Variants in JPH3 observed in about 807,000 individuals in gnomAD.
JPH3 encodes junctophilin-3.
Under a neutral mutation model 59.6 loss-of-function variants are expected in JPH3, and 11 were observed. The ratio of observed to expected loss-of-function variants is 0.18; its 90% CI spans 0.12 to 0.31. The LOEUF (loss-of-function observed/expected upper bound fraction) is 0.31. Among genes scored for constraint, JPH3 ranks in the 10% least tolerant of loss-of-function variants. The pLI, the probability that JPH3 is intolerant of heterozygous loss-of-function variation, is 1.00. For missense variants in JPH3, 1,202 were observed against 1,105.7 expected (o/e 1.09, Z -1.24); for synonymous variants, 673 against 483.6 (o/e 1.39, Z -5.14).
chr16:87,662,115 C>G (rs538882928), intron 2 of JPH3, among the ~76,000 whole-genome samples: 337 of 152,336 alleles, frequency 2.2e-3, no homozygotes, highest in Admixed American at 7.3e-3. Flanking sequence ...ACGGTCATCC[C>G]TCAAGAGGGA....
At chr16:87,685,531 G>T (rs2033396319) in intron 3 of JPH3, among the ~76,000 whole-genome samples, 2 of 152,362 alleles carry the variant, frequency 1.3e-5, no homozygotes. Flanking sequence ...GCGCACACTT[G>T]GGGGCACACG....
chr16:87,616,478 C>T (rs900429254), intron 1 of JPH3, among the ~76,000 whole-genome samples: 2 of 151,626 alleles, frequency 1.3e-5, no homozygotes, highest in Admixed American at 1.3e-4. Context: ...TCTTGATCTC[C>T]TGACCTCGTG....
rs1345883186 is a variant in JPH3, at chr16:87,690,362, G to C, written c.2002G>C (p.Ala668Pro). ...KAQNKENFRP[A>P]SSAEPAVQKL... ...CCAGAACAAGGAGAACTTCAGGCCG[G>C]CCTCCTCCGCGGAGCCCGCCGTGCA... The change falls in exon 4 of 5, where the codon GCC (alanine) becomes CCC (proline). Residue 668 changes from alanine to proline, a missense_variant. Physicochemically the swap from Ala to Pro is conservative, Grantham distance 27. Transcript: ENST00000284262. 2.6e-6 allele frequency: 4 copies of C among 1,551,964 alleles called. 1 individual carries two copies. The highest frequency in any genetic ancestry group is 3.5e-6 in the Non-Finnish European group (4 of 1,151,800).
chr16:87,627,457 G>C (rs72810122), intron 1 of JPH3, among the ~76,000 whole-genome samples: 11,318 of 152,232 alleles, frequency 0.074, 546 homozygotes, highest in Non-Finnish European at 0.11. Flanking sequence ...AGACACACAG[G>C]GTGGGCCTCG....
intron 2 of JPH3, among the ~76,000 whole-genome samples, chr16:87,680,248 C>G (rs2033253234): frequency 6.6e-6 from 1 of 152,234 alleles, no homozygotes. Context: ...TCCAGTGATC[C>G]CTGAGCCACC....
intron 2 of JPH3, among the ~76,000 whole-genome samples, chr16:87,666,373 G>C (rs2032860641): frequency 6.7e-6 from 1 of 148,846 alleles, no homozygotes; most frequent in East Asian, 2.0e-4. Flanking sequence ...ACAGGCATGA[G>C]CCACCGCGCC....
chr16:87,606,150 A>G (rs1861663532), intron 1 of JPH3, among the ~76,000 whole-genome samples: 1 of 152,182 alleles, frequency 6.6e-6, no homozygotes, highest in Non-Finnish European at 1.5e-5. Flanking sequence ...CCTCCTTCCC[A>G]GTCAACTGGT....
At chr16:87,661,282 C>G (rs1031935874) in intron 2 of JPH3, among the ~76,000 whole-genome samples, 3 of 152,246 alleles carry the variant, frequency 2.0e-5, no homozygotes, top group South Asian at 4.1e-4. Flanking sequence ...GGTCATCTCT[C>G]TCTTTCCTGA....
intron 1 of JPH3, among the ~76,000 whole-genome samples, chr16:87,618,650 C>T (rs950217691): frequency 3.3e-5 from 5 of 152,202 alleles, no homozygotes; most frequent in South Asian, 2.1e-4. Flanking sequence ...CGTCCTCATC[C>T]GCACCTGTCA....
intron 2 of JPH3, among the ~76,000 whole-genome samples, chr16:87,677,321 T>G (rs1352990002): frequency 6.7e-6 from 1 of 149,490 alleles, no homozygotes; most frequent in Non-Finnish European, 1.5e-5. Flanking sequence ...AGGCAGAGTT[T>G]GCAGTGAGCC....
intron 1 of JPH3, among the ~76,000 whole-genome samples, chr16:87,626,712 A>G (rs1472326017): frequency 6.6e-6 from 1 of 152,208 alleles, no homozygotes; most frequent in Non-Finnish European, 1.5e-5. Context: ...GAAGGTTGGG[A>G]TGGTTGGAGA....
chr16:87,620,033 C>G (rs1186728115), intron 1 of JPH3, among the ~76,000 whole-genome samples: 4 of 152,104 alleles, frequency 2.6e-5, no homozygotes, highest in Admixed American at 1.3e-4. Flanking sequence ...TTGGGTGTGC[C>G]AGAGCCAGTC....
chr16:87,607,936 GAGAA>G (rs2030586733), intron 1 of JPH3, among the ~76,000 whole-genome samples: 1 of 152,262 alleles, frequency 6.6e-6, no homozygotes, highest in Non-Finnish European at 1.5e-5. Context: ...AAGGTGAAAA[GAGAA>G]AGGAAGAAGC....
chr16:87,629,614 A>G (rs1472662040), intron 1 of JPH3, among the ~76,000 whole-genome samples: 1 of 151,772 alleles, frequency 6.6e-6, no homozygotes, highest in Non-Finnish European at 1.5e-5. Flanking sequence ...GTGGGGTTCC[A>G]ACTAGATGGC....
In JPH3 at chr16:87,689,647, G is replaced by A; in HGVS notation, c.1287G>A (p.Gly429=). The A allele has an allele frequency of 6.2e-7, 1 of 1,611,480 alleles. No individual in the cohort carries two copies. Among genetic ancestry groups the A allele is most frequent in the Non-Finnish European group, 8.5e-7 (1 of 1,179,330 alleles). ...GCGTCGTCTTGTGTCCCCATACAGG[G>A]CTGGAGTACCAGAGGCCGAAGCGTC... ...FSPSFQHREN[G]LEYQRPKRQT... is the part of the protein sequence containing the mutation. The change falls in exon 4 of 5, where the codon GGG becomes GGA. Residue 429 remains glycine, a splice_region_variant and synonymous_variant. Coordinates refer to ENST00000284262, the MANE Select transcript of JPH3 (RefSeq NM_020655.4).
intron 2 of JPH3, among the ~76,000 whole-genome samples, chr16:87,680,631 C>G (rs2033265955): frequency 6.6e-6 from 1 of 151,984 alleles, no homozygotes; most frequent in Admixed American, 6.5e-5. Flanking sequence ...CTCAGATGCC[C>G]TCCCTGCCTG....
intron 2 of JPH3, among the ~76,000 whole-genome samples, chr16:87,649,530 C>T (rs930531072): frequency 5.3e-5 from 8 of 152,292 alleles, no homozygotes; most frequent in South Asian, 4.1e-4. Context: ...GGTTGGGAAT[C>T]GGAATGTAAA....
intron 4 of JPH3, 61 bp downstream of exon 4, chr16:87,690,587 G>C (rs1248399682): frequency 7.1e-7 from 1 of 1,405,718 alleles, no homozygotes; most frequent in African/African-American, 1.5e-5. Flanking sequence ...CTGCTGACCT[G>C]GTGTTTCCTG....
chr16:87,644,061 C>G (rs561793520), intron 1 of JPH3, among the ~76,000 whole-genome samples, 197 bp from the exon 2 acceptor site: 4 of 152,294 alleles, frequency 2.6e-5, no homozygotes, highest in African/African-American at 9.6e-5. Flanking sequence ...TCGCCTGAGC[C>G]CAGGGGTTCC....
Sources: gnomAD v4.1 joint callset for allele counts (sites outside exome capture counted in the v4.1 genomes callset) on GRCh38, gnomAD v4.1.1 for gene constraint, MANE v1.5 for transcripts, NCBI Gene and HGNC (gene_info 2026-07-23, HGNC 2026-07-21) for gene names.